The following TBL1XR1 variants were observed in gnomAD, a reference collection of about 807,000 sequenced individuals.
The protein encoded by TBL1XR1 is TBL1X/Y related 1, also known as F-box-like/WD repeat-containing protein TBL1XR1.
In TBL1XR1, 5 loss-of-function variants were observed where a neutral mutation model predicts 66.9. That is an observed-to-expected ratio of 0.07 (90% CI 0.04 to 0.16). The LOEUF is 0.16. Ranked by LOEUF, TBL1XR1 falls within the 10% of genes least tolerant of loss-of-function variation. The probability of loss-of-function intolerance (pLI) is 1.00; values close to 1 mark genes in which losing one functional copy is unlikely to be tolerated. For missense variants in TBL1XR1, 238 were observed against 623.2 expected (o/e 0.38, Z 6.58); for synonymous variants, 210 against 206.0 (o/e 1.02, Z -0.17).
At chr3:177,053,115 C>G (rs1254072752) in intron 4 of TBL1XR1, among the ~76,000 whole-genome samples, 2 of 151,996 alleles carry the variant, frequency 1.3e-5, no homozygotes, top group Non-Finnish European at 2.9e-5. Context: ...CAAAACAAAA[C>G]AAAACAAAAA....
At chr3:177,101,473 G>A (rs890409141) in intron 1 of TBL1XR1, among the ~76,000 whole-genome samples, 3 of 152,182 alleles carry the variant, frequency 2.0e-5, no homozygotes, top group African/African-American at 4.8e-5. Flanking sequence ...GACATTTGGA[G>A]GTGGGGCCTT....
At chr3:177,046,829 C>A (rs1428766025) in intron 9 of TBL1XR1, among the ~76,000 whole-genome samples, 1 of 152,158 alleles carries the variant, frequency 6.6e-6, no homozygotes, top group Non-Finnish European at 1.5e-5. Flanking sequence ...TTAAGATAAT[C>A]TTAAACCTTT....
intron 1 of TBL1XR1, among the ~76,000 whole-genome samples, chr3:177,195,935 C>T (rs75851808): frequency 0.065 from 9,867 of 152,212 alleles, 939 homozygotes; most frequent in East Asian, 0.49. Flanking sequence ...ACTCCAGACA[C>T]TGAGAACACC....
intron 3 of TBL1XR1, 127 bp from the exon 4 acceptor site, chr3:177,054,045 C>T (rs1717460038): frequency 3.3e-6 from 2 of 614,958 alleles, no homozygotes; most frequent in Admixed American, 3.3e-5. Flanking sequence ...AGACGAAGGT[C>T]GTGTGTGTGT....
At chr3:177,175,885 C>CAT (rs1734088000) in intron 1 of TBL1XR1, among the ~76,000 whole-genome samples, 1 of 151,582 alleles carries the variant, frequency 6.6e-6, no homozygotes, top group Non-Finnish European at 1.5e-5. Context: ...GGTGAAACCC[C>CAT]ATCTCTACTA....
intron 1 of TBL1XR1, among the ~76,000 whole-genome samples, chr3:177,101,301 G>A (rs1312581711): frequency 7.0e-6 from 1 of 143,432 alleles, no homozygotes; most frequent in South Asian, 2.3e-4. Flanking sequence ...TTTTTTTTTT[G>A]CAAGATTAAG....
intron 1 of TBL1XR1, among the ~76,000 whole-genome samples, chr3:177,176,203 T>C (rs1734129099): frequency 6.9e-6 from 1 of 145,482 alleles, no homozygotes; most frequent in African/African-American, 2.8e-5. Flanking sequence ...TTTTCTTGTT[T>C]TTTGTTTTTG....
intron 1 of TBL1XR1, among the ~76,000 whole-genome samples, chr3:177,182,950 C>T (rs1258495022): frequency 6.6e-6 from 1 of 152,186 alleles, no homozygotes; most frequent in African/African-American, 2.4e-5. Context: ...TCCTAAGCTA[C>T]AGCTGTTCAG....
At chr3:177,140,972 T>C (rs1480472364) in intron 1 of TBL1XR1, among the ~76,000 whole-genome samples, 1 of 152,202 alleles carries the variant, frequency 6.6e-6, no homozygotes, top group Non-Finnish European at 1.5e-5. Context: ...CTTCTTCCAT[T>C]GTGGCCCAGG....
chr3:177,106,456 T>G (rs993682064), intron 1 of TBL1XR1, among the ~76,000 whole-genome samples: 5 of 152,162 alleles, frequency 3.3e-5, no homozygotes, highest in Admixed American at 6.5e-5. Flanking sequence ...AGTACCTTTG[T>G]GCAAATTAGA....
intron 1 of TBL1XR1, among the ~76,000 whole-genome samples, chr3:177,131,890 C>A (rs1275697543): frequency 7.3e-6 from 1 of 136,582 alleles, no homozygotes; most frequent in East Asian, 2.2e-4. Flanking sequence ...CTGGCATTTA[C>A]ATTCTAGTGG....
In TBL1XR1 at chr3:177,024,436, G is replaced by A. The variant is rs183314004; in HGVS notation, c.*1062C>T. The A allele has an allele frequency of 3.6e-3, 547 of 152,464 alleles. 2 individuals are homozygous for A. Among genetic ancestry groups the A allele is most frequent in the Non-Finnish European group, 5.4e-3 (364 of 67,940 alleles). 9.4% of individuals were successfully genotyped at this position (152,464 alleles called of 1,614,324 possible). ...TTCTACACAGAATGATGGACACTTC[G>A]AGAAGCTAATCCTTATCCAGAAACA... On this transcript the variant is annotated 3_prime_UTR_variant, in exon 16 of 16. Transcript: ENST00000457928.
intron 14 of TBL1XR1, among the ~76,000 whole-genome samples, chr3:177,029,802 T>TGTG (rs3046449): frequency 0.076 from 11,515 of 152,062 alleles, 519 homozygotes; most frequent in Admixed American, 0.15. Context: ...ATTGAAAAAT[T>TGTG]GTGGTGGTGG....
chr3:177,188,932 G>A (rs1202262275), intron 1 of TBL1XR1, among the ~76,000 whole-genome samples: 4 of 152,212 alleles, frequency 2.6e-5, no homozygotes, highest in Non-Finnish European at 5.9e-5. Flanking sequence ...TTTTGGGCGG[G>A]TGCGGTGGCT....
intron 1 of TBL1XR1, among the ~76,000 whole-genome samples, chr3:177,149,452 A>G (rs1730630168): frequency 1.3e-5 from 2 of 152,234 alleles, no homozygotes; most frequent in Non-Finnish European, 2.9e-5. Flanking sequence ...TATAATACTT[A>G]TTCTCATTTT....
At chr3:177,043,509 G>C (rs1243402093) in intron 10 of TBL1XR1, among the ~76,000 whole-genome samples, 1 of 152,018 alleles carries the variant, frequency 6.6e-6, no homozygotes, top group Non-Finnish European at 1.5e-5. Flanking sequence ...TTATACACTT[G>C]AAATGTATAA....
upstream of TBL1XR1, among the ~76,000 whole-genome samples, chr3:177,197,758 C>T (rs1388683342): frequency 1.4e-5 from 2 of 146,914 alleles, no homozygotes; most frequent in African/African-American, 2.4e-5. Flanking sequence ...CCCGCTCTGG[C>T]GGCACTGGGG....
In TBL1XR1 at chr3:177,022,636, G is replaced by GA. The variant is rs1204936478; in HGVS notation, c.*2861dup. Reference sequence around the variant, plus strand: ...AGCTTATACAACAACAAATAGCATAGAAAAACTACTGGATTCAATTGATCA... The same window carrying GA: ...AGCTTATACAACAACAAATAGCATAGAAAAAACTACTGGATTCAATTGATCA... On this transcript the variant is annotated 3_prime_UTR_variant, in exon 16 of 16. Transcript: ENST00000457928. 6.6e-6 allele frequency: 1 copy of GA among 152,372 alleles called. No individual in the cohort carries two copies. The highest frequency in any genetic ancestry group is 1.5e-5 in the Non-Finnish European group (1 of 67,924). 9.4% of individuals were successfully genotyped at this position (152,372 alleles called of 1,614,324 possible).
intron 1 of TBL1XR1, among the ~76,000 whole-genome samples, chr3:177,116,356 C>T (rs970064738): frequency 1.1e-4 from 16 of 152,236 alleles, no homozygotes; most frequent in African/African-American, 3.9e-4. Flanking sequence ...GCTCCTTCTC[C>T]TCCCTCATTT....
Sources: gnomAD v4.1 joint callset for allele counts (sites outside exome capture counted in the v4.1 genomes callset) on GRCh38, gnomAD v4.1.1 for gene constraint, MANE v1.5 for transcripts, NCBI Gene and HGNC (gene_info 2026-07-23, HGNC 2026-07-21) for gene names.